The following COL6A6 variants were observed in gnomAD, a reference collection of about 807,000 sequenced individuals.
COL6A6 encodes collagen type VI alpha 6 chain.
A neutral mutation model predicts 208.6 loss-of-function variants in COL6A6; 183 were observed. That is an observed-to-expected ratio of 0.88 (90% confidence interval 0.78 to 0.99). The LOEUF (loss-of-function observed/expected upper bound fraction) is 0.99, where lower values mean the gene tolerates loss of function less well. COL6A6 is among the 50% of genes least tolerant of loss of function. The pLI is 0.00. For synonymous variants in COL6A6, 973 were observed against 1,011.8 expected, an observed-to-expected ratio of 0.96 and a Z score of 0.73; for missense variants, 2,816 against 2,815.2, an observed-to-expected ratio of 1.00 and a Z score of -0.01.
At chr3:130,532,997 T>C (rs2062136363) in intron 1 of COL6A6, among the ~76,000 whole-genome samples, 1 of 152,144 alleles carries the variant, frequency 6.6e-6, no homozygotes, top group African/African-American at 2.4e-5. Flanking sequence ...CCGGAGCAAG[T>C]GCCTCAGGAG....
Position 130,646,885 on chromosome 3 carries a change from T to C in COL6A6, c.5239+1883T>C, listed in dbSNP as rs540783977. Among the ~76,000 whole-genome samples the C allele has an allele frequency of 1.6e-4, 24 of 152,236 alleles. 1 individual carries two copies. In the South Asian group the frequency reaches 3.9e-3, roughly 25 times the overall value. On this transcript the variant is annotated intron_variant, in intron 32 of 36. Transcript: ENST00000358511. ...TTTTAAAATATTACTTGGGCTGCTATGGGGAGAGTGGATTGTGGCAAGGGT... is the reference window on the plus strand; with the variant it reads ...TTTTAAAATATTACTTGGGCTGCTACGGGGAGAGTGGATTGTGGCAAGGGT...
intron 26 of COL6A6, among the ~76,000 whole-genome samples, chr3:130,628,216 T>C (rs1399072841): frequency 1.3e-5 from 2 of 152,326 alleles, no homozygotes; most frequent in South Asian, 2.1e-4. Flanking sequence ...GAAATGTTCA[T>C]TAGAACAGAG....
In COL6A6 at chr3:130,535,315, GGATA is replaced by G. The variant is rs545069105; in HGVS notation, c.-32+17923_-32+17926del. Among the ~76,000 whole-genome samples, 42 of 152,118 alleles carry G rather than the reference GGATA, an allele frequency of 2.8e-4. 1 individual carries two copies. The East Asian group carries it at 7.7e-3, about 28-fold the overall frequency. On this transcript the variant is annotated intron_variant, in intron 1 of 36. Coordinates refer to ENST00000358511, the MANE Select transcript of COL6A6 (RefSeq NM_001102608.3). Reference sequence around the variant, plus strand: ...TAGTTCCAGTGCACATATTTTCCATGGATAGATATTTTTATGGTTGTTTTTCAAA... The same window carrying G: ...TAGTTCCAGTGCACATATTTTCCATGGATATTTTTATGGTTGTTTTTCAAA...
In COL6A6 at chr3:130,641,683, C is replaced by G; in HGVS notation, c.5123C>G (p.Ser1708Cys). ...GCTGGGCTTCCAGGAGAGATGGGAT[C>G]CCCTGGGGAACCAGGACCTCCTGGA... ...ISAGLPGEMG[S>C]PGEPGPPGRK... The change falls in exon 29 of 37, where the codon TCC (serine) becomes TGC (cysteine). Residue 1708 changes from serine to cysteine, a missense_variant. By Grantham distance (112) the Ser-to-Cys change is moderately radical. Coordinates refer to ENST00000358511, the MANE Select transcript of COL6A6 (RefSeq NM_001102608.3). The G allele has an allele frequency of 6.3e-7, 1 of 1,598,868 alleles. No individual in the cohort carries two copies. The highest frequency in any genetic ancestry group is 1.1e-5 in the South Asian group (1 of 89,734).
At chr3:130,628,540 T>G (rs1281110290) in intron 26 of COL6A6, among the ~76,000 whole-genome samples, 2 of 152,226 alleles carry the variant, frequency 1.3e-5, no homozygotes, top group Non-Finnish European at 2.9e-5. Context: ...GTTTGAGGAT[T>G]TATTATAATC....
At chr3:130,582,233 T>G (rs1291934363) in intron 10 of COL6A6, among the ~76,000 whole-genome samples, 165 bp downstream of exon 10, 1 of 152,202 alleles carries the variant, frequency 6.6e-6, no homozygotes, top group Non-Finnish European at 1.5e-5. Context: ...CTCAGAATAT[T>G]TTGACATCCA....
intron 35 of COL6A6, 70 bp downstream of exon 35, chr3:130,662,378 A>G: frequency 7.0e-7 from 1 of 1,424,226 alleles, no homozygotes; most frequent in Non-Finnish European, 9.5e-7. Context: ...AAGGTTGATG[A>G]GCTAACATGG....
chr3:130,621,985 A>G, intron 24 of COL6A6, 102 bp downstream of exon 24: 2 of 986,032 alleles, frequency 2.0e-6, no homozygotes, highest in Non-Finnish European at 3.1e-6. Flanking sequence ...ACAAGAACAC[A>G]TTTTCTGGTC....
At chr3:130,573,543 T>G (rs2063215346) in intron 7 of COL6A6, among the ~76,000 whole-genome samples, 1 of 150,204 alleles carries the variant, frequency 6.7e-6, no homozygotes, top group Non-Finnish European at 1.5e-5. Flanking sequence ...CTTTCAGAAA[T>G]ATTTCTATAT....
intron 1 of COL6A6, among the ~76,000 whole-genome samples, chr3:130,533,954 CTT>C (rs1419399609): frequency 6.6e-6 from 1 of 152,152 alleles, no homozygotes; most frequent in Non-Finnish European, 1.5e-5. Flanking sequence ...CCAGTTTAAT[CTT>C]TTTTAACCTC....
intron 36 of COL6A6, among the ~76,000 whole-genome samples, chr3:130,669,299 G>A (rs1040901961): frequency 8.5e-5 from 13 of 152,138 alleles, no homozygotes; most frequent in African/African-American, 2.7e-4. Flanking sequence ...GGAGGCAGAG[G>A]CAGGAGGATT....
At chr3:130,550,444 A>G (rs1165988509) in intron 1 of COL6A6, among the ~76,000 whole-genome samples, 9 of 152,164 alleles carry the variant, frequency 5.9e-5, no homozygotes. Context: ...TGGGTTTGTC[A>G]TAGATGGCTC....
chr3:130,614,327 G>T (rs1439677092), intron 23 of COL6A6, among the ~76,000 whole-genome samples: 1 of 152,100 alleles, frequency 6.6e-6, no homozygotes, highest in Non-Finnish European at 1.5e-5. Flanking sequence ...ATTTGTATAT[G>T]TTGAACCAAC....
intron 1 of COL6A6, among the ~76,000 whole-genome samples, chr3:130,526,491 G>A (rs2061964766): frequency 6.6e-6 from 1 of 152,128 alleles, no homozygotes; most frequent in Non-Finnish European, 1.5e-5. Context: ...TTGAACATAG[G>A]TGCACCAATC....
In COL6A6 at chr3:130,555,707, T is replaced by C. The variant is rs543286447; in HGVS notation, c.-31-4627T>C. On this transcript the variant is annotated intron_variant, in intron 1 of 36. Coordinates refer to ENST00000358511, the MANE Select transcript of COL6A6 (RefSeq NM_001102608.3). Reference sequence around the variant, plus strand: ...AAGTTTCCTTCTACTCCTAATTTGCTAAGTTTTTCTTTAAAATCATGAATT... The same window carrying C: ...AAGTTTCCTTCTACTCCTAATTTGCCAAGTTTTTCTTTAAAATCATGAATT... Among the ~76,000 whole-genome samples the C allele has an allele frequency of 3.3e-4, 51 of 152,338 alleles. 1 individual carries two copies. The South Asian group carries it at 9.1e-3, about 27-fold the overall frequency.
intron 1 of COL6A6, among the ~76,000 whole-genome samples, chr3:130,537,650 A>T (rs1304635431): frequency 6.6e-6 from 1 of 152,246 alleles, no homozygotes; most frequent in Non-Finnish European, 1.5e-5. Context: ...CTTTGGGCTT[A>T]GCTGCTGGGA....
chr3:130,598,519 T>G, intron 19 of COL6A6, 89 bp downstream of exon 19: 1 of 927,448 alleles, frequency 1.1e-6, no homozygotes, highest in Non-Finnish European at 1.7e-6. Context: ...ACAAAAAAAC[T>G]GGAATCAAAG....
intron 27 of COL6A6, 66 bp from the exon 28 acceptor site, chr3:130,635,633 T>G: frequency 9.3e-7 from 1 of 1,079,198 alleles, no homozygotes. Context: ...AGTTTAAAGA[T>G]GCAAATATGT....
intron 33 of COL6A6, among the ~76,000 whole-genome samples, chr3:130,654,007 T>C (rs2065718996): frequency 6.6e-6 from 1 of 152,202 alleles, no homozygotes; most frequent in Non-Finnish European, 1.5e-5. Flanking sequence ...AGTGGTCATG[T>C]TGTAGACATG....
Sources: gnomAD v4.1 joint callset for allele counts (sites outside exome capture counted in the v4.1 genomes callset) on GRCh38, gnomAD v4.1.1 for gene constraint, MANE v1.5 for transcripts, NCBI Gene and HGNC (gene_info 2026-07-23, HGNC 2026-07-21) for gene names.